METAP2: variants seen among roughly 807,000 people sequenced by gnomAD.
METAP2 encodes the protein methionine aminopeptidase 2.
A neutral mutation model predicts 59.4 loss-of-function variants in METAP2; 25 were observed. The ratio of observed to expected loss-of-function variants is 0.42; its 90% CI spans 0.31 to 0.59. The LOEUF is 0.59. Among genes scored for constraint, METAP2 ranks in the 20% least tolerant of loss-of-function variants. The pLI is 0.16. For missense variants in METAP2, 366 were observed against 581.2 expected, an observed-to-expected ratio of 0.63 and a Z score of 3.81; for synonymous variants, 214 against 194.1, an observed-to-expected ratio of 1.10 and a Z score of -0.85.
intron 4 of METAP2, among the ~76,000 whole-genome samples, chr12:95,489,251 G>T (rs1350404750): frequency 2.0e-5 from 3 of 151,994 alleles, no homozygotes; most frequent in Non-Finnish European, 4.4e-5. Context: ...TTTAATACAT[G>T]AAAAAAATGA....
chr12:95,504,215 C>T (rs546888121), intron 8 of METAP2, 54 bp downstream of exon 8: 16 of 1,273,570 alleles, frequency 1.3e-5, no homozygotes, highest in Middle Eastern at 2.0e-4. Context: ...AAACTATTGT[C>T]GAGTGTTTTC....
intron 2 of METAP2, among the ~76,000 whole-genome samples, chr12:95,482,471 A>G (rs1294982863): frequency 3.9e-5 from 6 of 152,152 alleles, no homozygotes; most frequent in Admixed American, 3.3e-4. Context: ...ATTTCATAAG[A>G]TTGAACATAA....
intron 2 of METAP2, among the ~76,000 whole-genome samples, chr12:95,481,726 C>T (rs1460074061): frequency 1.3e-5 from 2 of 152,190 alleles, no homozygotes; most frequent in Admixed American, 6.5e-5. Context: ...GGCTAAATAA[C>T]TTGCCCAAGG....
intron 4 of METAP2, among the ~76,000 whole-genome samples, chr12:95,493,151 C>T (rs2076251892): frequency 6.6e-6 from 1 of 151,796 alleles, no homozygotes. Flanking sequence ...TTTCCTACTA[C>T]AGGAGTCATG....
intron 8 of METAP2, among the ~76,000 whole-genome samples, chr12:95,510,097 A>G (rs1335118937): frequency 1.3e-5 from 2 of 152,190 alleles, no homozygotes; most frequent in Admixed American, 6.5e-5. Context: ...TTGGCCTCCC[A>G]GAGTGTTGGG....
intron 2 of METAP2, among the ~76,000 whole-genome samples, chr12:95,478,097 A>G (rs571015391): frequency 8.6e-5 from 13 of 151,816 alleles, no homozygotes; most frequent in Admixed American, 5.9e-4. Context: ...GTGAGACCCT[A>G]TGTCTATACC....
chr12:95,497,898 C>T (rs936892119), intron 7 of METAP2, among the ~76,000 whole-genome samples: 7 of 151,014 alleles, frequency 4.6e-5, no homozygotes, highest in African/African-American at 1.2e-4. Context: ...GAGGCCAAGG[C>T]GGGTGGATCA....
In METAP2 at chr12:95,513,758, G is replaced by T; in HGVS notation, c.1291G>T (p.Ala431Ser). Reference protein sequence around the residue: ...DRLGESKYLMALKNLCDLGIV... With the variant: ...DRLGESKYLMSLKNLCDLGIV... ...CTTGGGAGAAAGTAAATACTTGATG[G>T]CTCTGAAGAATCTGTGTGACTTGGG... The change falls in exon 11 of 11, where the codon GCT (alanine) becomes TCT (serine). Residue 431 changes from alanine (A) to serine (S), a missense_variant. Physicochemically the swap from Ala to Ser is moderately conservative, Grantham distance 99 (BLOSUM62 1). Coordinates refer to ENST00000323666, the MANE Select transcript of METAP2 (RefSeq NM_006838.4). 6.2e-7 allele frequency: 1 copy of T among 1,614,204 alleles called. No homozygotes were observed. Among genetic ancestry groups the T allele is most frequent in the East Asian group, 2.2e-5 (1 of 44,888 alleles).
chr12:95,493,439 G>A (rs901500324), intron 4 of METAP2, among the ~76,000 whole-genome samples: 7 of 152,196 alleles, frequency 4.6e-5, no homozygotes, highest in African/African-American at 1.7e-4. Flanking sequence ...TCACATCACT[G>A]CATCTGCCTG....
At chr12:95,504,826 C>G (rs1169330196) in intron 8 of METAP2, among the ~76,000 whole-genome samples, 1 of 152,190 alleles carries the variant, frequency 6.6e-6, no homozygotes, top group Non-Finnish European at 1.5e-5. Context: ...GAATCACATT[C>G]AGAATTTGGA....
At chr12:95,489,847 A>C (rs569318493) in intron 4 of METAP2, among the ~76,000 whole-genome samples, 1 of 152,260 alleles carries the variant, frequency 6.6e-6, no homozygotes, top group South Asian at 2.1e-4. Flanking sequence ...TCAGAAAAAA[A>C]CCCAAAAAAC....
intron 2 of METAP2, among the ~76,000 whole-genome samples, chr12:95,482,692 T>C (rs1012964637): frequency 7.2e-5 from 11 of 151,738 alleles, no homozygotes; most frequent in Admixed American, 5.9e-4. Flanking sequence ...AGGTGGAGGC[T>C]GAGACATGAG....
intron 2 of METAP2, among the ~76,000 whole-genome samples, chr12:95,481,049 T>A (rs1565774904): frequency 6.6e-6 from 1 of 152,228 alleles, no homozygotes; most frequent in East Asian, 1.9e-4. Context: ...GCTTAAAAGC[T>A]TGAGACTCTT....
intron 3 of METAP2, 158 bp from the exon 4 acceptor site, chr12:95,485,721 T>C: frequency 1.9e-6 from 1 of 526,710 alleles, no homozygotes; most frequent in Non-Finnish European, 3.3e-6. Flanking sequence ...ATTGAGGAGG[T>C]GGCCAGCATG....
chr12:95,509,519 C>T (rs1036095465), intron 8 of METAP2, among the ~76,000 whole-genome samples: 3 of 152,150 alleles, frequency 2.0e-5, no homozygotes, highest in Non-Finnish European at 4.4e-5. Flanking sequence ...GGCAGATGTC[C>T]TTGCAGAAGT....
intron 7 of METAP2, among the ~76,000 whole-genome samples, chr12:95,503,463 G>A (rs2076331660): frequency 6.6e-6 from 1 of 152,136 alleles, no homozygotes; most frequent in Non-Finnish European, 1.5e-5. Flanking sequence ...GGAAAGGGGT[G>A]CTCACCATTT....
rs201454366 is a variant in METAP2 at position 95,511,882 on chromosome 12, T to A, written c.965-13T>A. The A allele has an allele frequency of 3.2e-5, 50 of 1,573,550 alleles. No homozygotes were observed. The highest frequency in any genetic ancestry group is 4.4e-5 in the Non-Finnish European group (50 of 1,148,930). The stretch of plus-strand genomic sequence containing the variant: ...ATCCTGAATGACTTTTATTTCCCTA[T>A]TTTTTATAACAGTGAAACCAATCCG... On this transcript the variant is annotated splice_polypyrimidine_tract_variant and intron_variant, in intron 8 of 10. Coordinates refer to ENST00000323666, the MANE Select transcript of METAP2 (RefSeq NM_006838.4).
intron 8 of METAP2, among the ~76,000 whole-genome samples, chr12:95,510,011 A>C (rs1207285194): frequency 6.6e-6 from 1 of 151,964 alleles, no homozygotes; most frequent in East Asian, 1.9e-4. Flanking sequence ...TAATTTTTAT[A>C]TTTTTAGTAG....
In METAP2 at chr12:95,474,345, A is replaced by G; in HGVS notation, c.151+15A>G. The G allele has an allele frequency of 2.5e-6, 4 of 1,612,800 alleles. No homozygotes were observed. The highest frequency in any genetic ancestry group is 3.4e-6 in the Non-Finnish European group (4 of 1,179,396). On this transcript the variant is annotated intron_variant, in intron 1 of 10. Transcript: ENST00000323666. Reference sequence around the variant, plus strand: ...GCCTTCTGCAGGTAAAGAGAGTTTTATGTTTTCCCAGTCCCCTCCGGGAAC... The same window carrying G: ...GCCTTCTGCAGGTAAAGAGAGTTTTGTGTTTTCCCAGTCCCCTCCGGGAAC...
Sources: allele counts gnomAD v4.1 joint callset (sites outside exome capture counted in the v4.1 genomes callset), GRCh38; gene constraint gnomAD v4.1.1; transcripts MANE v1.5; gene names NCBI Gene and HGNC (gene_info 2026-07-23, HGNC 2026-07-21).